The following NRBF2 variants were observed in gnomAD, a reference collection of about 807,000 sequenced individuals.
NRBF2 encodes nuclear receptor-binding factor 2.
Under a neutral mutation model 28.5 loss-of-function variants are expected in NRBF2, and 12 were observed. That is an observed-to-expected ratio of 0.42 (90% CI 0.27 to 0.68). The LOEUF is 0.68. Among genes scored for constraint, NRBF2 ranks in the 30% least tolerant of loss-of-function variants. The pLI is 0.24. For synonymous variants in NRBF2, 102 were observed against 116.5 expected (o/e 0.88, Z 0.80); for missense variants, 274 against 333.5 (o/e 0.82, Z 1.39).
chr10:63,140,205 A>G (rs867857341), intron 1 of NRBF2, among the ~76,000 whole-genome samples: 14 of 152,200 alleles, frequency 9.2e-5, no homozygotes, highest in African/African-American at 2.2e-4. Context: ...TATCAATACC[A>G]TAAGTTTATG....
At chr10:63,148,742 T>G (rs1247742430) in intron 2 of NRBF2, among the ~76,000 whole-genome samples, 2 of 152,236 alleles carry the variant, frequency 1.3e-5, no homozygotes, top group East Asian at 3.8e-4. Flanking sequence ...AGGTAGGATC[T>G]ACTCTTGAGG....
chr10:63,134,237 T>A (rs1285024440), intron 1 of NRBF2, among the ~76,000 whole-genome samples: 1 of 152,022 alleles, frequency 6.6e-6, no homozygotes, highest in Non-Finnish European at 1.5e-5. Context: ...GTGTTGCAAT[T>A]AAAAAACAAC....
At chr10:63,147,000 C>T (rs943158897) in intron 2 of NRBF2, among the ~76,000 whole-genome samples, 2 of 151,872 alleles carry the variant, frequency 1.3e-5, no homozygotes, top group Admixed American at 6.6e-5. Context: ...TTTGGGTCCT[C>T]GTTAGTGTAG....
chr10:63,149,307 AG>A (rs1841610020), intron 2 of NRBF2, among the ~76,000 whole-genome samples: 1 of 152,164 alleles, frequency 6.6e-6, no homozygotes. Flanking sequence ...TGGTAGAGAC[AG>A]GGTTTCTACC....
At chr10:63,142,160 A>T (rs974273201) in intron 1 of NRBF2, among the ~76,000 whole-genome samples, 6 of 152,324 alleles carry the variant, frequency 3.9e-5, no homozygotes, top group African/African-American at 1.2e-4. Flanking sequence ...AGATAGAAAA[A>T]AGGTGTTAGA....
At chr10:63,142,403 A>C (rs1347653191) in intron 1 of NRBF2, among the ~76,000 whole-genome samples, 1 of 150,294 alleles carries the variant, frequency 6.7e-6, no homozygotes, top group Non-Finnish European at 1.5e-5. Context: ...GCCCTGGTCC[A>C]AGCAATTCTC....
At chr10:63,146,732 T>C (rs1841567430) in intron 2 of NRBF2, among the ~76,000 whole-genome samples, 1 of 152,252 alleles carries the variant, frequency 6.6e-6, no homozygotes, top group Non-Finnish European at 1.5e-5. Context: ...AGACTTTTGT[T>C]ACCTAAAATG....
chr10:63,146,163 GTTTTA>G (rs1841557854), intron 1 of NRBF2, 41 bp from the exon 2 acceptor site: 2 of 1,474,778 alleles, frequency 1.4e-6, no homozygotes, highest in African/African-American at 1.4e-5. Context: ...AAGAAATCAT[GTTTTA>G]TTTTATGATC....
intron 2 of NRBF2, among the ~76,000 whole-genome samples, chr10:63,147,241 A>G (rs1841575991): frequency 6.6e-6 from 1 of 152,134 alleles, no homozygotes; most frequent in African/African-American, 2.4e-5. Context: ...TACAGACTGC[A>G]AGGTGGGCAG....
chr10:63,136,594 A>G (rs142975227), intron 1 of NRBF2, among the ~76,000 whole-genome samples: 1 of 152,196 alleles, frequency 6.6e-6, no homozygotes, highest in Non-Finnish European at 1.5e-5. Flanking sequence ...TTACAGATAA[A>G]TAAGCCTAAG....
chr10:63,143,368 G>T (rs928118792), intron 1 of NRBF2, among the ~76,000 whole-genome samples: 1 of 152,152 alleles, frequency 6.6e-6, no homozygotes. Context: ...AGTTGCAAAC[G>T]TGATTCTGTG....
intron 2 of NRBF2, among the ~76,000 whole-genome samples, chr10:63,151,483 A>T (rs940391464): frequency 6.6e-6 from 1 of 152,176 alleles, no homozygotes; most frequent in Non-Finnish European, 1.5e-5. Context: ...GTTCTTGCAT[A>T]TTTTTTTAAG....
intron 1 of NRBF2, among the ~76,000 whole-genome samples, chr10:63,142,589 G>A (rs990114855): frequency 2.0e-5 from 3 of 151,900 alleles, no homozygotes; most frequent in African/African-American, 7.2e-5. Flanking sequence ...AGAGAAATTA[G>A]GTTAATCATA....
At chr10:63,134,880 T>C (rs778995727) in intron 1 of NRBF2, among the ~76,000 whole-genome samples, 1 of 152,094 alleles carries the variant, frequency 6.6e-6, no homozygotes, top group Non-Finnish European at 1.5e-5. Context: ...GGACTACATT[T>C]GCGAGTTTTT....
Position 63,133,343 on chromosome 10 carries a change from A to G in NRBF2, c.-128A>G, listed in dbSNP as rs771412915. On this transcript the variant is annotated 5_prime_UTR_variant, in exon 1 of 4. Coordinates refer to ENST00000277746, the MANE Select transcript of NRBF2 (RefSeq NM_030759.5). ...TGAGGTTGTTGCTCCTTCAGCGCCT[A>G]TCGCTGGCTCTTGGGGCGCAGAGAG... 1.5e-5 allele frequency: 17 copies of G among 1,120,004 alleles called. No individual in the cohort carries two copies. Among genetic ancestry groups the G allele is most frequent in the Admixed American group, 6.1e-5 (3 of 48,856 alleles). 69.4% of individuals were successfully genotyped at this position (1,120,004 alleles called of 1,614,324 possible).
intron 2 of NRBF2, among the ~76,000 whole-genome samples, chr10:63,149,217 AGT>A (rs1231485605): frequency 6.6e-6 from 1 of 152,150 alleles, no homozygotes; most frequent in Non-Finnish European, 1.5e-5. Flanking sequence ...CCCAGGCTCA[AGT>A]GATTCTTCTG....
In NRBF2 at chr10:63,152,167, A is replaced by G; in HGVS notation, c.133A>G (p.Met45Val). ...CTTAACAGCATATCTTTCTGAAGCC[A>G]TGAAGCTGACACAGTCAGAGCAGGT... ...KKAAAYLSEA[M>V]KLTQSEQAHL... The change falls in exon 3 of 4, where the codon ATG becomes GTG. Residue 45 changes from methionine (M) to valine (V), a missense_variant. Coordinates refer to ENST00000277746, the MANE Select transcript of NRBF2 (RefSeq NM_030759.5). 1 of 1,613,778 alleles carries G rather than the reference A, an allele frequency of 6.2e-7. No homozygotes were observed. The highest frequency in any genetic ancestry group is 8.5e-7 in the Non-Finnish European group (1 of 1,179,728).
At chr10:63,153,037 A>G (rs1841673589) in intron 3 of NRBF2, among the ~76,000 whole-genome samples, 1 of 152,206 alleles carries the variant, frequency 6.6e-6, no homozygotes, top group Admixed American at 6.5e-5. Context: ...TTTTTGTTAT[A>G]AAAGTATTAG....
chr10:63,135,647 CTTTTTTT>C (rs763603312), intron 1 of NRBF2, among the ~76,000 whole-genome samples: 1 of 129,460 alleles, frequency 7.7e-6, no homozygotes, highest in Non-Finnish European at 1.7e-5. Context: ...ATCTTGAATT[CTTTTTTT>C]TTTTTTTTTT....
Sources: allele counts gnomAD v4.1 joint callset (sites outside exome capture counted in the v4.1 genomes callset), GRCh38; gene constraint gnomAD v4.1.1; transcripts MANE v1.5; gene names NCBI Gene and HGNC (gene_info 2026-07-23, HGNC 2026-07-21).